GPT: variants seen among roughly 807,000 people sequenced by gnomAD.
The protein encoded by GPT is glutamic--pyruvic transaminase, also known as alanine aminotransferase 1.
Under a neutral mutation model 51.4 loss-of-function variants are expected in GPT, and 60 were observed. The observed-to-expected ratio is 1.17, with a 90% confidence interval of 0.95 to 1.45. GPT has a LOEUF of 1.45. GPT is among the 40% of genes most tolerant of loss of function. GPT has a pLI of 0.00. For missense variants in GPT, 853 were observed against 704.0 expected (o/e 1.21, Z -2.40); for synonymous variants, 397 against 303.1 (o/e 1.31, Z -3.22).
rs1051008726 is a variant in GPT at position 144,506,066 on chromosome 8, GC to G, written c.893del (p.Pro298ArgfsTer33). The G allele has an allele frequency of 1.2e-6, 2 of 1,612,296 alleles. No homozygotes were observed. The highest frequency in any genetic ancestry group is 2.7e-5 in the African/African-American group (2 of 74,924). On this transcript the variant is annotated frameshift_variant, in exon 7 of 11. Transcript: ENST00000394955. LOFTEE classifies it high-confidence loss of function. This position sits in a 1 kb window ranked among gnomAD's most constrained non-coding sequence, Gnocchi z 7.0. ...TCAAGAAGGTGCTCATGGAGATGGG[GC>G]CGCCCTACGCCGGGCAGCAGGAGCT... ...SFKKVLMEMG[P>X]PYAGQQELAS...
In GPT at chr8:144,504,762, T is replaced by C. The variant is rs1318579404; in HGVS notation, c.253-9T>C. The C allele has an allele frequency of 1.9e-6, 3 of 1,601,016 alleles. No homozygotes were observed. The African/African-American group carries it at 4.0e-5, about 21-fold the overall frequency. On this transcript the variant is annotated splice_polypyrimidine_tract_variant and intron_variant, in intron 2 of 10. Coordinates refer to ENST00000394955, the MANE Select transcript of GPT (RefSeq NM_005309.3). ...CATGTGCCCTGGCCTCAGCACTCCG[T>C]CTTCCCAGGTCTTGGCCCTCTGTGT...
chr8:144,506,692 G>GGGGCCGGGC lies in GPT; in HGVS notation c.1287+37_1288-30dup. The stretch of plus-strand genomic sequence containing the variant: ...GGCGGGGCCTGCGGGGTGGGCAGGG[G>GGGGCCGGGC]GGGCCGGGCATCCCTCTCTGACGGC... On this transcript the variant is annotated intron_variant, in intron 9 of 10. Coordinates refer to ENST00000394955, the MANE Select transcript of GPT (RefSeq NM_005309.3). The surrounding 1 kb of genome is among the most constrained non-coding windows in gnomAD (Gnocchi z 7.0). 4 of 1,587,536 alleles carry GGGGCCGGGC rather than the reference G, an allele frequency of 2.5e-6. No homozygotes were observed. The highest frequency in any genetic ancestry group is 3.4e-6 in the Non-Finnish European group (4 of 1,164,810).
At chr8:144,504,489 G>T (rs1416885127) in intron 1 of GPT, 23 bp downstream of exon 1, 1 of 1,607,204 alleles carries the variant, frequency 6.2e-7, no homozygotes, top group Non-Finnish European at 8.5e-7. Context: ...GCCCCTCGCT[G>T]CCCTCCAGGT....
At chr8:144,505,974 T>C in intron 6 of GPT, 21 bp from the exon 7 acceptor site, 1 of 1,612,228 alleles carries the variant, frequency 6.2e-7, no homozygotes, top group Non-Finnish European at 8.5e-7. Context: ...TCCGCCCCCG[T>C]GACGCCTTGC....
At position 144,506,903 on chromosome 8, in the gene GPT, C is replaced by T. The variant is rs779851829; in HGVS notation, c.1401-7C>T. The T allele has an allele frequency of 6.2e-7, 1 of 1,612,804 alleles. No individual in the cohort carries two copies. The highest frequency in any genetic ancestry group is 8.5e-7 in the Non-Finnish European group (1 of 1,179,784). The stretch of plus-strand genomic sequence containing the variant: ...CTGGCCCTTCACTCACTGTCAACTC[C>T]TTTCAGGATGACCATTCTGCCCCCC... On this transcript the variant is annotated splice_region_variant and splice_polypyrimidine_tract_variant and intron_variant, in intron 10 of 10. Coordinates refer to ENST00000394955, the MANE Select transcript of GPT (RefSeq NM_005309.3). This position sits in a 1 kb window ranked among gnomAD's most constrained non-coding sequence, Gnocchi z 7.0.
At chr8:144,505,217 C>T (rs1335931831) in intron 4 of GPT, 29 bp from the exon 5 acceptor site, 6 of 1,611,400 alleles carry the variant, frequency 3.7e-6, no homozygotes, top group Non-Finnish European at 5.1e-6. Flanking sequence ...CAGGCCTCGC[C>T]AACCCTGCCT....
At position 144,506,540 on chromosome 8, in the gene GPT, A is replaced by T. The variant is rs747338893; in HGVS notation, c.1171A>T (p.Lys391Ter). ...GCTGGCAGAGCTGGCGGCCAAGGCC[A>T]AGCTCACCGAGCAGGTCTTCAATGA... The part of the protein sequence containing the change: ...AVLAELAAKA[K>*]LTEQVFNEAP... The change falls in exon 9 of 11, where the codon AAG becomes TAG. Residue 391 changes from lysine to a stop codon, truncating the protein, a stop_gained. Coordinates refer to ENST00000394955, the MANE Select transcript of GPT (RefSeq NM_005309.3). LOFTEE classifies it high-confidence loss of function. This position sits in a 1 kb window ranked among gnomAD's most constrained non-coding sequence, Gnocchi z 7.0. The T allele has an allele frequency of 1.9e-6, 3 of 1,593,514 alleles. No homozygotes were observed.
At position 144,505,484 on chromosome 8, in the gene GPT, C is replaced by G; in HGVS notation, c.734C>G (p.Pro245Arg). Residue 245 changes from proline to arginine, a missense_variant, in exon 5 of 11, where the codon CCC (proline) becomes CGC (arginine). Coordinates refer to ENST00000394955, the MANE Select transcript of GPT (RefSeq NM_005309.3). Reference protein sequence around the residue: ...RALCVINPGNPTGQVQTRECI... With the variant: ...RALCVINPGNRTGQVQTRECI... ...CTCTGTGTCATCAACCCTGGCAACC[C>G]CACCGGTGCGTTCCCCGCCGCCCCG... is the stretch of plus-strand genomic sequence containing the variant. 6.3e-7 allele frequency: 1 copy of G among 1,578,706 alleles called. No homozygotes were observed. The highest frequency in any genetic ancestry group is 2.3e-5 in the East Asian group (1 of 43,410).
rs777370445 is a variant in GPT, at chr8:144,506,785, G to A, written c.1342G>A (p.Gly448Ser). The A allele has an allele frequency of 9.9e-6, 16 of 1,612,420 alleles. No homozygotes were observed. The highest frequency in any genetic ancestry group is 6.7e-5 in the African/African-American group (5 of 74,908). Residue 448 changes from glycine (G) to serine (S), a missense_variant, in exon 10 of 11, where the codon GGC becomes AGC. Gly to Ser is a moderately conservative substitution (Grantham distance 56). Coordinates refer to ENST00000394955, the MANE Select transcript of GPT (RefSeq NM_005309.3). This position sits in a 1 kb window ranked among gnomAD's most constrained non-coding sequence, Gnocchi z 7.0. Reference sequence around the variant, plus strand: ...CTGCCTGCGCCTCCTGGAGGAGACCGGCATCTGCGTGGTGCCAGGGAGCGG... The same window carrying A: ...CTGCCTGCGCCTCCTGGAGGAGACCAGCATCTGCGTGGTGCCAGGGAGCGG... ...FFCLRLLEETGICVVPGSGFG... is the reference protein window; with the variant it reads ...FFCLRLLEETSICVVPGSGFG...
rs1432687157 is a variant in GPT at position 144,504,877 on chromosome 8, T to G, written c.359T>G (p.Leu120Arg). 1 of 1,613,006 alleles carries G rather than the reference T, an allele frequency of 6.2e-7. No individual in the cohort carries two copies. Among genetic ancestry groups the G allele is most frequent in the Non-Finnish European group, 8.5e-7 (1 of 1,179,986 alleles). The change falls in exon 3 of 11, where the codon CTG becomes CGG. Residue 120 changes from leucine (L) to arginine (R), a missense_variant and splice_region_variant. Physicochemically the swap from Leu to Arg is moderately radical, Grantham distance 102. Coordinates refer to ENST00000394955, the MANE Select transcript of GPT (RefSeq NM_005309.3). ...TTGCAGGCGTGTGGGGGCCACAGTC[T>G]GGGTGAGAGCCAGGGCCAGGAGGAA... ...RILQACGGHS[L>R]GAYSVSSGIQ...
At position 144,506,687 on chromosome 8, in the gene GPT, C is replaced by CA. The variant is rs764565994; in HGVS notation, c.1287+32dup. On this transcript the variant is annotated intron_variant, in intron 9 of 10. Transcript: ENST00000394955. The surrounding 1 kb of genome is among the most constrained non-coding windows in gnomAD (Gnocchi z 7.0). ...GCGGGGGCGGGGCCTGCGGGGTGGG[C>CA]AGGGGGGGCCGGGCATCCCTCTCTG... is the stretch of plus-strand genomic sequence containing the variant. The CA allele has an allele frequency of 2.7e-6, 4 of 1,467,732 alleles. No homozygotes were observed. The African/African-American group carries it at 5.5e-5, about 20-fold the overall frequency. 90.9% of individuals were successfully genotyped at this position (1,467,732 alleles called of 1,614,324 possible). A position where few individuals can be genotyped will look rare whatever the true frequency, so the allele number is the denominator to read the frequency against.
At position 144,505,848 on chromosome 8, in the gene GPT, G is replaced by C; in HGVS notation, c.740G>C (p.Gly247Ala). Residue 247 changes from glycine (G) to alanine (A), a missense_variant and splice_region_variant, in exon 6 of 11, where the codon GGG becomes GCG. By Grantham distance (60) the Gly-to-Ala change is moderately conservative. Coordinates refer to ENST00000394955, the MANE Select transcript of GPT (RefSeq NM_005309.3). ...CACTGCTGCCTCCCCGGCACCCCAG[G>C]GCAGGTGCAGACCCGCGAGTGCATC... Reference protein sequence around the residue: ...LCVINPGNPTGQVQTRECIEA... With the variant: ...LCVINPGNPTAQVQTRECIEA... The C allele has an allele frequency of 6.5e-7, 1 of 1,547,458 alleles. No homozygotes were observed. The highest frequency in any genetic ancestry group is 8.7e-7 in the Non-Finnish European group (1 of 1,147,240).
Position 144,506,631 on chromosome 8 carries a change from C to A in GPT, c.1262C>A (p.Pro421His), listed in dbSNP as rs781699796. 2.0e-5 allele frequency: 31 copies of A among 1,558,654 alleles called. No individual in the cohort carries two copies. The Middle Eastern group carries it at 1.2e-3, about 59-fold the overall frequency. Residue 421 changes from proline to histidine, a missense_variant, in exon 9 of 11, where the codon CCC becomes CAC. Pro to His is a moderately conservative substitution (Grantham distance 77). Transcript: ENST00000394955. This position sits in a 1 kb window ranked among gnomAD's most constrained non-coding sequence, Gnocchi z 7.0. The part of the protein sequence containing the change: ...AMYSFPRVQL[P>H]PRAVERAQEL... Reference sequence around the variant, plus strand: ...TACTCCTTCCCGCGCGTGCAGCTGCCCCCGCGGGCGGTGGAGCGCGCTCAG... The same window carrying A: ...TACTCCTTCCCGCGCGTGCAGCTGCACCCGCGGGCGGTGGAGCGCGCTCAG...
Position 144,506,201 on chromosome 8 carries a change from C to G in GPT, c.957-31C>G, listed in dbSNP as rs775646493. On this transcript the variant is annotated intron_variant, in intron 7 of 10. Transcript: ENST00000394955. The surrounding 1 kb of genome is among the most constrained non-coding windows in gnomAD (Gnocchi z 7.0). ...GCCCTCCTCGCCCGATGGGCCACCC[C>G]CTCCTCCGCACCTGACCTGGCCGTG... is the stretch of plus-strand genomic sequence containing the variant. 1.0e-4 allele frequency: 165 copies of G among 1,601,868 alleles called. No homozygotes were observed. The highest frequency in any genetic ancestry group is 1.7e-4 in the Middle Eastern group (1 of 6,058).
rs1826784447 is a variant in GPT at position 144,506,028 on chromosome 8, C to T, written c.853C>T (p.Gln285Ter). The T allele has an allele frequency of 1.2e-6, 2 of 1,612,318 alleles. No homozygotes were observed. The highest frequency in any genetic ancestry group is 1.3e-5 in the African/African-American group (1 of 74,930). Reference sequence around the variant, plus strand: ...GGACAACGTGTACGCCGCGGGTTCGCAGTTCCACTCATTCAAGAAGGTGCT... The same window carrying T: ...GGACAACGTGTACGCCGCGGGTTCGTAGTTCCACTCATTCAAGAAGGTGCT... Reference protein sequence around the residue: ...YQDNVYAAGSQFHSFKKVLME... With the variant: ...YQDNVYAAGS Residue 285 changes from glutamine to a stop codon, truncating the protein, a stop_gained, in exon 7 of 11, where the codon CAG becomes TAG. Coordinates refer to ENST00000394955, the MANE Select transcript of GPT (RefSeq NM_005309.3). LOFTEE classifies it high-confidence loss of function. The surrounding 1 kb of genome is among the most constrained non-coding windows in gnomAD (Gnocchi z 7.0).
upstream of GPT, among the ~76,000 whole-genome samples, chr8:144,503,402 G>A (rs529260032): frequency 8.5e-5 from 13 of 152,288 alleles, no homozygotes; most frequent in African/African-American, 2.2e-4. Flanking sequence ...GGAACAAGAG[G>A]GCTGGAGAGC....
rs762168599 is a variant in GPT at position 144,505,248 on chromosome 8, G to A, written c.498G>A (p.Thr166=). The change falls in exon 5 of 11, where the codon ACG becomes ACA. Residue 166 remains threonine, a splice_region_variant and synonymous_variant. Transcript: ENST00000394955. ...LSTGASDAIV[T]VLKLLVAGEG... ...TGCCTTCCCCTTCCTTTCCGCAGACGGTGCTGAAGCTGCTGGTGGCCGGCG... is the reference window on the plus strand; with the variant it reads ...TGCCTTCCCCTTCCTTTCCGCAGACAGTGCTGAAGCTGCTGGTGGCCGGCG... The A allele has an allele frequency of 8.1e-6, 13 of 1,606,330 alleles. No homozygotes were observed. Among genetic ancestry groups the A allele is most frequent in the South Asian group, 5.5e-5 (5 of 90,312 alleles).
At position 144,504,351 on chromosome 8, in the gene GPT, T is replaced by A; in HGVS notation, c.47T>A (p.Leu16Gln). Residue 16 changes from leucine (L) to glutamine (Q), a missense_variant, in exon 1 of 11, where the codon CTG becomes CAG. Leu to Gln is a moderately radical substitution (Grantham distance 113). Coordinates refer to ENST00000394955, the MANE Select transcript of GPT (RefSeq NM_005309.3). ...CGGAGCCAGGCGGTGAGGCATGGAC[T>A]GAGGGCGAAGGTGCTGACGCTGGAC... is the stretch of plus-strand genomic sequence containing the variant. The part of the protein sequence containing the change: ...GDRSQAVRHG[L>Q]RAKVLTLDGM... 1.2e-6 allele frequency: 2 copies of A among 1,611,164 alleles called. No homozygotes were observed. The highest frequency in any genetic ancestry group is 1.7e-6 in the Non-Finnish European group (2 of 1,179,910).
rs754868571 is a variant in GPT at position 144,506,243 on chromosome 8, G to A, written c.968G>A (p.Arg323His). Reference sequence around the variant, plus strand: ...CTGGCCGTGCGCAGGTGCGGGTTCCGCGGCGGCTATGTGGAGGTGGTGAAC... The same window carrying A: ...CTGGCCGTGCGCAGGTGCGGGTTCCACGGCGGCTATGTGGAGGTGGTGAAC... ...SKGYMGECGFRGGYVEVVNMD... is the reference protein window; with the variant it reads ...SKGYMGECGFHGGYVEVVNMD... The change falls in exon 8 of 11, where the codon CGC (arginine) becomes CAC (histidine). Residue 323 changes from arginine (R) to histidine (H), a missense_variant. By Grantham distance (29) the Arg-to-His change is conservative. Transcript: ENST00000394955. This position sits in a 1 kb window ranked among gnomAD's most constrained non-coding sequence, Gnocchi z 7.0. 2.1e-5 allele frequency: 34 copies of A among 1,606,814 alleles called. No individual in the cohort carries two copies. The East Asian group carries it at 6.7e-4, about 32-fold the overall frequency.
Sources: gnomAD v4.1 joint callset for allele counts (sites outside exome capture counted in the v4.1 genomes callset) on GRCh38, gnomAD v4.1.1 for gene constraint, Gnocchi (gnomAD v3.1) non-coding constraint, MANE v1.5 for transcripts, NCBI Gene and HGNC (gene_info 2026-07-23, HGNC 2026-07-21) for gene names.